The following ANTXR1 variants were observed in gnomAD, a reference collection of about 807,000 sequenced individuals.
ANTXR1 encodes the protein anthrax toxin receptor 1.
Under a neutral mutation model 78.1 loss-of-function variants are expected in ANTXR1, and 19 were observed. The observed-to-expected ratio is 0.24, with a 90% CI of 0.17 to 0.36. The LOEUF is 0.36. ANTXR1 is among the 10% of genes least tolerant of loss of function. ANTXR1 has a pLI of 1.00. For synonymous variants in ANTXR1, 273 were observed against 260.5 expected (o/e 1.05, Z -0.46); for missense variants, 518 against 718.6 (o/e 0.72, Z 3.19).
intron 17 of ANTXR1, among the ~76,000 whole-genome samples, chr2:69,229,833 A>G (rs1315211508): frequency 6.6e-6 from 1 of 152,042 alleles, no homozygotes; most frequent in Non-Finnish European, 1.5e-5. Context: ...TTGGAGAAGT[A>G]ATTGCTACAC....
intron 1 of ANTXR1, among the ~76,000 whole-genome samples, chr2:69,021,539 G>T (rs1001769315): frequency 4.6e-5 from 7 of 152,120 alleles, no homozygotes; most frequent in Non-Finnish European, 7.4e-5. Flanking sequence ...CACCATCAAG[G>T]CTGCGAGGGA....
chr2:69,190,204 G>A (rs1674516277), intron 16 of ANTXR1, among the ~76,000 whole-genome samples: 1 of 152,234 alleles, frequency 6.6e-6, no homozygotes, highest in Non-Finnish European at 1.5e-5. Context: ...GAGAGGCCCA[G>A]CACAGCGGAT....
At chr2:69,213,276 T>C (rs1675091866) in intron 17 of ANTXR1, among the ~76,000 whole-genome samples, 1 of 152,192 alleles carries the variant, frequency 6.6e-6, no homozygotes, top group South Asian at 2.1e-4. Flanking sequence ...ATCTATGGCC[T>C]AGTGCACTCA....
At chr2:69,033,985 C>G (rs1029133743) in intron 1 of ANTXR1, among the ~76,000 whole-genome samples, 3 of 152,140 alleles carry the variant, frequency 2.0e-5, no homozygotes, top group African/African-American at 7.2e-5. Flanking sequence ...CTTCAGAAAA[C>G]AAGTCAGAAT....
intron 3 of ANTXR1, among the ~76,000 whole-genome samples, chr2:69,047,296 A>G (rs1669797818): frequency 1.3e-5 from 2 of 152,172 alleles, no homozygotes; most frequent in African/African-American, 4.8e-5. Context: ...GAAAATAAAT[A>G]TAATGTGTTA....
At chr2:69,166,174 T>G (rs561013080) in intron 13 of ANTXR1, among the ~76,000 whole-genome samples, 81 of 152,352 alleles carry the variant, frequency 5.3e-4, no homozygotes, top group Non-Finnish European at 8.4e-4. Context: ...CAATGAGAAT[T>G]TGTCAGTAAC....
At chr2:69,067,999 CA>C (rs1558510704) in intron 3 of ANTXR1, among the ~76,000 whole-genome samples, 1 of 152,166 alleles carries the variant, frequency 6.6e-6, no homozygotes, top group Admixed American at 6.5e-5. Context: ...CACATGGGCC[CA>C]GACTTGTCAA....
chr2:69,098,980 C>T (rs924053778), intron 9 of ANTXR1, among the ~76,000 whole-genome samples: 33 of 73,280 alleles, frequency 4.5e-4, no homozygotes, highest in Admixed American at 3.8e-4. Context: ...AGTGAGACTG[C>T]GTCTAAATAA....
chr2:69,052,442 G>C (rs1435455969), intron 3 of ANTXR1, among the ~76,000 whole-genome samples: 2 of 151,932 alleles, frequency 1.3e-5, no homozygotes, highest in Non-Finnish European at 2.9e-5. Flanking sequence ...ATTTTCTAAA[G>C]ACATAGTCAA....
At position 69,168,154 on chromosome 2, in the gene ANTXR1, CCA is replaced by C. The variant is rs1323749824; in HGVS notation, c.1048-2092_1048-2091del. ...GCCCCTTGGCATCTCTGTCTGGAAG[CCA>C]CCATGCAAAGGCATTTAGTATATGC... On this transcript the variant is annotated intron_variant, in intron 13 of 17. Coordinates refer to ENST00000303714, the MANE Select transcript of ANTXR1 (RefSeq NM_032208.3). Among the ~76,000 whole-genome samples, 8 of 152,298 alleles carry C rather than the reference CCA, an allele frequency of 5.3e-5. No individual in the cohort carries two copies. In the East Asian group the frequency reaches 1.5e-3, roughly 29 times the overall value.
intron 16 of ANTXR1, among the ~76,000 whole-genome samples, chr2:69,187,334 C>T (rs1674443431): frequency 6.6e-6 from 1 of 151,962 alleles, no homozygotes; most frequent in Non-Finnish European, 1.5e-5. Flanking sequence ...TTTACAATAC[C>T]CCGTGCTTCT....
Position 69,249,170 on chromosome 2 carries a change from A to C in ANTXR1, c.*3685A>C, listed in dbSNP as rs1004032787. Reference sequence around the variant, plus strand: ...AAAAAATAATAAATTTCTTAAATCAACTCTTTTTTCTGGTTGTCTGTTTGT... The same window carrying C: ...AAAAAATAATAAATTTCTTAAATCACCTCTTTTTTCTGGTTGTCTGTTTGT... On this transcript the variant is annotated 3_prime_UTR_variant, in exon 18 of 18. Transcript: ENST00000303714. The C allele has an allele frequency of 1.3e-5, 2 of 151,988 alleles. No individual in the cohort carries two copies. The highest frequency in any genetic ancestry group is 4.8e-5 in the African/African-American group (2 of 41,344). 9.4% of individuals were successfully genotyped at this position (151,988 alleles called of 1,614,324 possible). A position where few individuals can be genotyped will look rare whatever the true frequency, so the allele number is the denominator to read the frequency against.
chr2:69,224,235 G>C (rs1675388710), intron 17 of ANTXR1, among the ~76,000 whole-genome samples: 1 of 152,196 alleles, frequency 6.6e-6, no homozygotes. Flanking sequence ...TCAATCGTCA[G>C]ATTGTGTATG....
intron 8 of ANTXR1, among the ~76,000 whole-genome samples, chr2:69,089,029 G>A (rs1190713728): frequency 2.0e-5 from 3 of 152,194 alleles, no homozygotes; most frequent in African/African-American, 4.8e-5. Context: ...GGGGTGGGTG[G>A]AGGTGGCTAG....
Position 69,123,048 on chromosome 2 carries a change from T to C in ANTXR1, c.834T>C (p.Tyr278=), listed in dbSNP as rs1382495035. Residue 278 remains tyrosine (Y), a synonymous_variant, in exon 11 of 18, where the codon TAT becomes TAC. Coordinates refer to ENST00000303714, the MANE Select transcript of ANTXR1 (RefSeq NM_032208.3). ...NEKPFSVEDT[Y]LLCPAPILKE... is the part of the protein sequence containing the mutation. ...AGCCCTTTTCTGTGGAAGATACTTATTTACTGTGTCCAGCGCCTATCTTAA... is the reference window on the plus strand; with the variant it reads ...AGCCCTTTTCTGTGGAAGATACTTACTTACTGTGTCCAGCGCCTATCTTAA... 1 of 1,614,204 alleles carries C rather than the reference T, an allele frequency of 6.2e-7. No homozygotes were observed. The highest frequency in any genetic ancestry group is 1.3e-5 in the African/African-American group (1 of 75,048).
intron 10 of ANTXR1, among the ~76,000 whole-genome samples, chr2:69,108,351 T>C (rs144747642): frequency 9.0e-4 from 137 of 151,834 alleles, no homozygotes; most frequent in African/African-American, 3.2e-3. Flanking sequence ...GGTAATTAAG[T>C]TGGATGACTT....
rs983533536 is a variant in ANTXR1, at chr2:69,152,343, T to C, written c.1047+79T>C. On this transcript the variant is annotated intron_variant, in intron 13 of 17. Coordinates refer to ENST00000303714, the MANE Select transcript of ANTXR1 (RefSeq NM_032208.3). ...AGACCATGAGTAGAGAGAAAGGGATTTTTAAAAAACTAAAGATGGGAGACA... is the reference window on the plus strand; with the variant it reads ...AGACCATGAGTAGAGAGAAAGGGATCTTTAAAAAACTAAAGATGGGAGACA... 2.7e-6 allele frequency: 4 copies of C among 1,467,674 alleles called. No individual in the cohort carries two copies. The East Asian group carries it at 9.1e-5, about 33-fold the overall frequency. The allele number at this position is 1,467,674 out of a possible 1,614,324, so 90.9% of individuals were successfully genotyped here.
At position 69,177,531 on chromosome 2, in the gene ANTXR1, C is replaced by T. The variant is rs193031842; in HGVS notation, c.1090-4255C>T. 1.6e-3 allele frequency among the ~76,000 whole-genome samples: 251 copies of T among 152,320 alleles called. 2 individuals carry two copies. The highest frequency in any genetic ancestry group is 3.7e-4 in the Non-Finnish European group (25 of 68,022). ...TGTGCTGCCATTTGTGTTACCCAAG[C>T]TCCAGCCAGCTGGACGTCTGGAGCC... On this transcript the variant is annotated intron_variant, in intron 14 of 17. Transcript: ENST00000303714.
At chr2:69,149,471 A>G (rs1378428908) in intron 12 of ANTXR1, among the ~76,000 whole-genome samples, 1 of 152,222 alleles carries the variant, frequency 6.6e-6, no homozygotes, top group Non-Finnish European at 1.5e-5. Flanking sequence ...CCCCCAAAAT[A>G]TATCAGCCCT....
Sources: allele counts gnomAD v4.1 joint callset (sites outside exome capture counted in the v4.1 genomes callset), GRCh38; gene constraint gnomAD v4.1.1; transcripts MANE v1.5; gene names NCBI Gene and HGNC (gene_info 2026-07-23, HGNC 2026-07-21).